The following ATG14 variants were observed in gnomAD, a reference collection of about 807,000 sequenced individuals.
ATG14 encodes autophagy related 14, also known as beclin 1-associated autophagy-related key regulator.
ATG14 carries 35 observed loss-of-function variants against 60.4 expected under a neutral mutation model. The ratio of observed to expected loss-of-function variants is 0.58; its 90% CI spans 0.44 to 0.77. The LOEUF (loss-of-function observed/expected upper bound fraction) is 0.77. Among genes scored for constraint, ATG14 ranks in the 30% least tolerant of loss-of-function variants. The pLI, the probability that ATG14 is intolerant of heterozygous loss-of-function variation, is 0.00. For synonymous variants in ATG14, 234 were observed against 228.8 expected (o/e 1.02, Z -0.21); for missense variants, 647 against 626.3 (o/e 1.03, Z -0.35).
rs765746257 is a variant in ATG14, at chr14:55,390,998, A to G, written c.328-6T>C. 2 of 1,595,466 alleles carry G rather than the reference A, an allele frequency of 1.3e-6. No homozygotes were observed. The highest frequency in any genetic ancestry group is 3.4e-5 in the Admixed American group (2 of 58,568). ...CAGGACATTATTTTCCATCTCTGAA[A>G]AAAGCATGTAATAAATATCACAAAC... On this transcript the variant is annotated splice_region_variant and splice_polypyrimidine_tract_variant and intron_variant, in intron 3 of 9. Coordinates refer to ENST00000247178, the MANE Select transcript of ATG14 (RefSeq NM_014924.5).
intron 9 of ATG14, 71 bp from the exon 10 acceptor site, chr14:55,369,996 TGA>T: frequency 3.4e-6 from 5 of 1,457,044 alleles, no homozygotes; most frequent in Non-Finnish European, 4.6e-6. Flanking sequence ...GCCATCTTCC[TGA>T]AGGCCCTCAC....
intron 6 of ATG14, among the ~76,000 whole-genome samples, chr14:55,380,964 G>A (rs1056749575): frequency 1.3e-5 from 2 of 149,576 alleles, no homozygotes; most frequent in African/African-American, 4.9e-5. Context: ...TCTGACCTGT[G>A]TGAACCTGAT....
Position 55,382,029 on chromosome 14 carries a change from G to A in ATG14, c.810C>T (p.Leu270=). The change falls in exon 6 of 10, where the codon CTC becomes CTT. Residue 270 remains leucine, a synonymous_variant. Transcript: ENST00000247178. ...AGGCAGAGTAGTCCCCATTGTTAGG[G>A]AGGCTAATCCAAGGCCCTGTAATGC... is the stretch of plus-strand genomic sequence containing the variant. ...SISITGPWIS[L]PNNGDYSAYY... 6.2e-7 allele frequency: 1 copy of A among 1,614,126 alleles called. No homozygotes were observed. The highest frequency in any genetic ancestry group is 8.5e-7 in the Non-Finnish European group (1 of 1,180,004).
intron 6 of ATG14, among the ~76,000 whole-genome samples, chr14:55,380,920 G>A (rs1278098702): frequency 6.9e-6 from 1 of 144,344 alleles, no homozygotes; most frequent in Non-Finnish European, 1.5e-5. Context: ...AGAGCAAATG[G>A]GCCTAAATAG....
Position 55,369,676 on chromosome 14 carries a change from G to T in ATG14, c.1422C>A (p.Ile474=). The T allele has an allele frequency of 6.3e-7, 1 of 1,581,940 alleles. No homozygotes were observed. Among genetic ancestry groups the T allele is most frequent in the Non-Finnish European group, 8.6e-7 (1 of 1,160,628 alleles). ...PIASSSAGGM[I]SSAAASVTSW... ...AGGTCACCGAGGCTGCTGCAGAGGA[G>T]ATCATCCCACCTGCACTGCTGCTCG... is the stretch of plus-strand genomic sequence containing the variant. Residue 474 remains isoleucine, a synonymous_variant, in exon 10 of 10, where the codon ATC becomes ATA. Coordinates refer to ENST00000247178, the MANE Select transcript of ATG14 (RefSeq NM_014924.5).
intron 9 of ATG14, among the ~76,000 whole-genome samples, chr14:55,371,664 T>C (rs753969677): frequency 1.2e-4 from 18 of 152,008 alleles, no homozygotes; most frequent in Non-Finnish European, 1.6e-4. Context: ...ATTAGCTGGG[T>C]GTGATGGCGG....
At chr14:55,391,529 G>T (rs534116433) in intron 3 of ATG14, among the ~76,000 whole-genome samples, 30 of 150,190 alleles carry the variant, frequency 2.0e-4, no homozygotes, top group Admixed American at 1.3e-3. Flanking sequence ...ACATAGTTTT[G>T]TATGTATCAG....
At chr14:55,386,146 T>G in intron 4 of ATG14, 50 bp from the exon 5 acceptor site, 3 of 1,475,500 alleles carry the variant, frequency 2.0e-6, no homozygotes, top group Non-Finnish European at 2.8e-6. Flanking sequence ...ACAGTTCCTG[T>G]GTACTGCAGA....
At position 55,367,910 on chromosome 14, in the gene ATG14, G is replaced by A. The variant is rs571959005; in HGVS notation, c.*1709C>T. 3 of 152,640 alleles carry A rather than the reference G, an allele frequency of 2.0e-5. No homozygotes were observed. Among genetic ancestry groups the A allele is most frequent in the African/African-American group, 7.2e-5 (3 of 41,558 alleles). The allele number at this position is 152,640 out of a possible 1,614,324, so 9.5% of individuals were successfully genotyped here. ...ATATACCATTAGCAAAAGCTATATA[G>A]CACCTCGGACTTGGAGGCAAAGTAT... On this transcript the variant is annotated 3_prime_UTR_variant, in exon 10 of 10. Transcript: ENST00000247178.
chr14:55,402,026 C>T (rs546983219), intron 1 of ATG14, among the ~76,000 whole-genome samples: 51 of 152,308 alleles, frequency 3.3e-4, no homozygotes, highest in Non-Finnish European at 5.4e-4. Flanking sequence ...TCATGGGCAA[C>T]TGAGTGGACC....
intron 1 of ATG14, among the ~76,000 whole-genome samples, chr14:55,401,301 T>C (rs1885394618): frequency 6.6e-6 from 1 of 152,018 alleles, no homozygotes; most frequent in African/African-American, 2.4e-5. Flanking sequence ...AGCAGGGAAA[T>C]TGGCCATTTT....
chr14:55,402,945 A>ATG (rs1566585703), intron 1 of ATG14, among the ~76,000 whole-genome samples: 5 of 68,974 alleles, frequency 7.2e-5, no homozygotes, highest in Non-Finnish European at 1.5e-4. Context: ...ATATATATAT[A>ATG]TATATATATA....
At chr14:55,396,064 AAAT>A in intron 2 of ATG14, 82 bp from the exon 3 acceptor site, 1 of 1,067,414 alleles carries the variant, frequency 9.4e-7, no homozygotes, top group Non-Finnish European at 1.4e-6. Flanking sequence ...CAAACACTTA[AAAT>A]TAAGTCCTTA....
At chr14:55,379,253 T>C (rs1045204060) in intron 7 of ATG14, among the ~76,000 whole-genome samples, 11 of 152,068 alleles carry the variant, frequency 7.2e-5, no homozygotes, top group Non-Finnish European at 1.5e-4. Context: ...GGGAAGATGA[T>C]GGCCGGGTGC....
chr14:55,392,143 C>A (rs1455016421), intron 3 of ATG14, among the ~76,000 whole-genome samples: 1 of 152,152 alleles, frequency 6.6e-6, no homozygotes, highest in Non-Finnish European at 1.5e-5. Context: ...CAACCTAGAT[C>A]CCTCGCATGT....
At chr14:55,409,747 A>C (rs1264007916) in intron 1 of ATG14, among the ~76,000 whole-genome samples, 1 of 152,238 alleles carries the variant, frequency 6.6e-6, no homozygotes, top group African/African-American at 2.4e-5. Context: ...TCAGAGGAAC[A>C]GATAATATAG....
intron 1 of ATG14, 83 bp downstream of exon 1, chr14:55,411,519 G>C: frequency 7.4e-7 from 1 of 1,352,766 alleles, no homozygotes; most frequent in Non-Finnish European, 1.0e-6. Context: ...TGCCCGGACG[G>C]GGAGCCCCAG....
At chr14:55,393,164 G>A (rs900685323) in intron 3 of ATG14, among the ~76,000 whole-genome samples, 4 of 152,092 alleles carry the variant, frequency 2.6e-5, no homozygotes, top group Admixed American at 1.3e-4. Context: ...GGCGGATCAC[G>A]AGGTCAGGAG....
Position 55,369,434 on chromosome 14 carries a change from G to T in ATG14, c.*185C>A. 1 of 496,318 alleles carries T rather than the reference G, an allele frequency of 2.0e-6. No individual in the cohort carries two copies. The highest frequency in any genetic ancestry group is 3.4e-6 in the Non-Finnish European group (1 of 296,044). The allele number at this position is 496,318 out of a possible 1,614,324, so 30.7% of individuals were successfully genotyped here. A position where few individuals can be genotyped will look rare whatever the true frequency, so the allele number is the denominator to read the frequency against. The stretch of plus-strand genomic sequence containing the variant: ...TTCTCTTAATTATCATAAGCATGTT[G>T]GTCACCATCACAGGCCACTTGGCAA... On this transcript the variant is annotated 3_prime_UTR_variant, in exon 10 of 10. Coordinates refer to ENST00000247178, the MANE Select transcript of ATG14 (RefSeq NM_014924.5).
Sources: allele counts gnomAD v4.1 joint callset (sites outside exome capture counted in the v4.1 genomes callset), GRCh38; gene constraint gnomAD v4.1.1; transcripts MANE v1.5; gene names NCBI Gene and HGNC (gene_info 2026-07-23, HGNC 2026-07-21).